The following TNR variants were observed in gnomAD, a reference collection of about 807,000 sequenced individuals.
The protein encoded by TNR is tenascin R, also known as tenascin-R.
Under a neutral mutation model 150.4 loss-of-function variants are expected in TNR, and 45 were observed. The ratio of observed to expected loss-of-function variants is 0.30; its 90% CI spans 0.24 to 0.38. The LOEUF (loss-of-function observed/expected upper bound fraction) is 0.38. Ranked by LOEUF, TNR falls within the 10% of genes least tolerant of loss-of-function variation. The probability of loss-of-function intolerance (pLI) is 1.00; values close to 1 mark genes in which losing one functional copy is unlikely to be tolerated. For missense variants in TNR, 1,544 were observed against 1,759.1 expected (o/e 0.88, Z 2.19); for synonymous variants, 687 against 678.4 (o/e 1.01, Z -0.20).
intron 1 of TNR, among the ~76,000 whole-genome samples, chr1:175,738,273 G>A (rs561490542): frequency 4.4e-4 from 67 of 152,228 alleles, no homozygotes; most frequent in African/African-American, 7.9e-4. Flanking sequence ...CAATGCAAGC[G>A]TCCATTAATG....
At chr1:175,635,730 A>T (rs548170673) in intron 1 of TNR, among the ~76,000 whole-genome samples, 1 of 152,314 alleles carries the variant, frequency 6.6e-6, no homozygotes, top group South Asian at 2.1e-4. Flanking sequence ...CCCCTGCCAC[A>T]GAAGACCCTC....
At chr1:175,369,221 T>A (rs1219337084) in intron 9 of TNR, among the ~76,000 whole-genome samples, 1 of 152,218 alleles carries the variant, frequency 6.6e-6, no homozygotes. Context: ...TAGCTTCCTG[T>A]GGATGCTGTT....
At chr1:175,341,466 G>A (rs868681869) in intron 18 of TNR, among the ~76,000 whole-genome samples, 2 of 152,136 alleles carry the variant, frequency 1.3e-5, no homozygotes, top group Non-Finnish European at 2.9e-5. Context: ...TGAGATCAAC[G>A]GGACCATGGC....
At chr1:175,666,628 C>T (rs572759526) in intron 1 of TNR, among the ~76,000 whole-genome samples, 4 of 152,378 alleles carry the variant, frequency 2.6e-5, no homozygotes, top group East Asian at 3.9e-4. Flanking sequence ...GGACGAACGT[C>T]GGACTGGCTG....
chr1:175,526,145 T>A (rs1659841273), intron 2 of TNR, among the ~76,000 whole-genome samples: 1 of 152,188 alleles, frequency 6.6e-6, no homozygotes, highest in Admixed American at 6.5e-5. Context: ...AACCCACCCA[T>A]AAGAGTTACA....
rs564138445 is a variant in TNR at position 175,560,233 on chromosome 1, T to C, written c.-164-31864A>G. Among the ~76,000 whole-genome samples the C allele has an allele frequency of 1.5e-3, 229 of 152,352 alleles. 1 individual carries two copies. Among genetic ancestry groups the C allele is most frequent in the Admixed American group, 4.1e-3 (62 of 15,302 alleles). On this transcript the variant is annotated intron_variant, in intron 1 of 22. Transcript: ENST00000367674. ...TAGTTTTAGCCAGTCCCATAGTCTG[T>C]AGATATATTTTGAGTCCTAACTCTG...
intron 1 of TNR, among the ~76,000 whole-genome samples, chr1:175,670,882 T>C (rs1372335232): frequency 6.6e-6 from 1 of 152,198 alleles, no homozygotes; most frequent in Non-Finnish European, 1.5e-5. Context: ...CCAGTGACAG[T>C]CTGAATATGG....
At chr1:175,454,635 C>A (rs560488866) in intron 2 of TNR, among the ~76,000 whole-genome samples, 4 of 152,208 alleles carry the variant, frequency 2.6e-5, no homozygotes, top group African/African-American at 9.6e-5. Context: ...CCACACCTGG[C>A]TAATTTTTGT....
chr1:175,498,143 T>C (rs1658570976), intron 2 of TNR, among the ~76,000 whole-genome samples: 1 of 152,144 alleles, frequency 6.6e-6, no homozygotes, highest in South Asian at 2.1e-4. Context: ...ACACAAATCC[T>C]GCTTGGGTCT....
chr1:175,646,947 G>A (rs148692548), intron 1 of TNR, among the ~76,000 whole-genome samples: 1,925 of 152,316 alleles, frequency 0.013, 38 homozygotes, highest in African/African-American at 0.042. Context: ...ACCACATCTG[G>A]TTAGTGGCTG....
At chr1:175,691,341 A>G (rs956131797) in intron 1 of TNR, among the ~76,000 whole-genome samples, 7 of 152,226 alleles carry the variant, frequency 4.6e-5, no homozygotes, top group African/African-American at 1.7e-4. Context: ...AGAGGAAGGT[A>G]GTAGTAGTAA....
chr1:175,659,345 C>T (rs1665290723), intron 1 of TNR, among the ~76,000 whole-genome samples: 2 of 152,194 alleles, frequency 1.3e-5, no homozygotes, highest in African/African-American at 4.8e-5. Context: ...AGAGGAAGGT[C>T]TCTGCCAAGG....
intron 2 of TNR, among the ~76,000 whole-genome samples, chr1:175,467,603 G>A (rs1242046814): frequency 1.3e-5 from 2 of 152,174 alleles, no homozygotes; most frequent in East Asian, 1.9e-4. Flanking sequence ...TTTTGGAGGT[G>A]TGAGTCTTGA....
In TNR at chr1:175,349,490, A is replaced by C. The variant is rs182018139; in HGVS notation, c.3382+4901T>G. Among the ~76,000 whole-genome samples the C allele has an allele frequency of 4.6e-3, 698 of 152,350 alleles. 5 individuals are homozygous for C. Among genetic ancestry groups the C allele is most frequent in the African/African-American group, 0.014 (572 of 41,582 alleles). ...TGAGCAAAAACTATGAGAATAGGGA[A>C]TGAATTATGTAACCCAATACCGCTT... On this transcript the variant is annotated intron_variant, in intron 18 of 22. Transcript: ENST00000367674.
chr1:175,641,841 T>C (rs1664671762), intron 1 of TNR, among the ~76,000 whole-genome samples: 1 of 152,168 alleles, frequency 6.6e-6, no homozygotes, highest in Admixed American at 6.5e-5. Flanking sequence ...GTTAAATAAA[T>C]GAGTTATCCG....
chr1:175,466,484 C>G (rs1657040615), intron 2 of TNR, among the ~76,000 whole-genome samples: 1 of 152,212 alleles, frequency 6.6e-6, no homozygotes, highest in African/African-American at 2.4e-5. Flanking sequence ...CTGACCCAGT[C>G]TTTCTGGGCT....
intron 2 of TNR, among the ~76,000 whole-genome samples, chr1:175,468,634 T>C (rs576299573): frequency 6.6e-6 from 1 of 152,030 alleles, no homozygotes; most frequent in African/African-American, 2.4e-5. Context: ...GATACCTATG[T>C]TTAGTGTTCA....
At chr1:175,410,288 T>C (rs776094187) in intron 2 of TNR, among the ~76,000 whole-genome samples, 1 of 152,216 alleles carries the variant, frequency 6.6e-6, no homozygotes, top group Non-Finnish European at 1.5e-5. Context: ...TAAACCCCTG[T>C]AAGTTATTTG....
At chr1:175,559,044 C>T (rs927696145) in intron 1 of TNR, among the ~76,000 whole-genome samples, 35 of 152,104 alleles carry the variant, frequency 2.3e-4, no homozygotes, top group African/African-American at 8.2e-4. Flanking sequence ...AGTGTCTGTA[C>T]CTTTCATTCA....
Sources: allele counts gnomAD v4.1 joint callset (sites outside exome capture counted in the v4.1 genomes callset), GRCh38; gene constraint gnomAD v4.1.1; transcripts MANE v1.5; gene names NCBI Gene and HGNC (gene_info 2026-07-23, HGNC 2026-07-21).